The following CSF2RA variants were observed in gnomAD, a reference collection of about 807,000 sequenced individuals.
CSF2RA encodes the protein colony stimulating factor 2 receptor subunit alpha.
In CSF2RA, 42 loss-of-function variants were observed where a neutral mutation model predicts 51.6. The ratio of observed to expected loss-of-function variants is 0.81; its 90% CI spans 0.64 to 1.05. The LOEUF (loss-of-function observed/expected upper bound fraction) is 1.05. CSF2RA is among the 50% of genes least tolerant of loss of function. The pLI, the probability that CSF2RA is intolerant of heterozygous loss-of-function variation, is 0.00. For synonymous variants in CSF2RA, 222 were observed against 193.0 expected (o/e 1.15, Z -1.24); for missense variants, 530 against 501.1 (o/e 1.06, Z -0.55).
At chrX:1,317,955 C>T in the CSF2RA span, among the ~76,000 whole-genome samples, 2 of 151,306 alleles carry the variant, frequency 1.3e-5, no homozygotes, top group African/African-American at 4.9e-5. Context: ...GACAGGCATG[C>T]ACAACCATGA....
intron 7 of CSF2RA, among the ~76,000 whole-genome samples, chrX:1,291,743 G>T (rs764957696): frequency 6.6e-6 from 1 of 151,774 alleles, no homozygotes; most frequent in South Asian, 2.1e-4. Flanking sequence ...GTAGACAGGA[G>T]GAGACCCTGT....
At position 1,290,628 on chromosome X, in the gene CSF2RA, G is replaced by C. The variant is rs757233251; in HGVS notation, c.646+119G>C. 15 of 972,066 alleles carry C rather than the reference G, an allele frequency of 1.5e-5. No individual in the cohort carries two copies. In the African/African-American group the frequency reaches 2.4e-4, roughly 15 times the overall value. The allele number at this position is 972,066 out of a possible 1,614,324, so 60.2% of individuals were successfully genotyped here. A position where few individuals can be genotyped will look rare whatever the true frequency, so the allele number is the denominator to read the frequency against. On this transcript the variant is annotated intron_variant, in intron 7 of 12. Transcript: ENST00000381529. ...ACCTGTAATCTCAGCACTTTGGGAG[G>C]CCGAGGCGGGCCGATCACCTGAGAT...
At chrX:1,316,881 G>C in the CSF2RA span, among the ~76,000 whole-genome samples, 1 of 152,146 alleles carries the variant, frequency 6.6e-6, no homozygotes, top group African/African-American at 2.4e-5. Context: ...CCCCCCTAAC[G>C]GTTTGCTGAA....
At chrX:1,320,661 C>T in the CSF2RA span, among the ~76,000 whole-genome samples, 8 of 128,576 alleles carry the variant, frequency 6.2e-5, no homozygotes, top group African/African-American at 1.9e-4. Context: ...TCATGCCCAG[C>T]TAATTTTTTT....
chrX:1,292,858 G>T (rs1274924560), intron 7 of CSF2RA, among the ~76,000 whole-genome samples: 3 of 152,102 alleles, frequency 2.0e-5, no homozygotes, highest in African/African-American at 7.2e-5. Context: ...ATGTCGGGCT[G>T]GGGGACGGTC....
chrX:1,313,405 A>G (rs1374792548), downstream of CSF2RA, among the ~76,000 whole-genome samples: 10 of 151,494 alleles, frequency 6.6e-5, no homozygotes, highest in Middle Eastern at 3.4e-3. Context: ...CTGCACTCCA[A>G]TCTGGGTGAC....
At chrX:1,284,469 C>T (rs1206252236) in intron 3 of CSF2RA, among the ~76,000 whole-genome samples, 1 of 139,370 alleles carries the variant, frequency 7.2e-6, no homozygotes, top group Non-Finnish European at 1.5e-5. Flanking sequence ...TACTCTGTCA[C>T]CCAGGCTGGA....
chrX:1,282,889 A>G lies in CSF2RA; in HGVS notation c.76+110A>G, dbSNP rs1282230379. The G allele has an allele frequency of 6.2e-6, 6 of 970,166 alleles. No individual in the cohort carries two copies. The African/African-American group carries it at 9.7e-5, about 16-fold the overall frequency. 60.1% of individuals were successfully genotyped at this position (970,166 alleles called of 1,614,324 possible). On this transcript the variant is annotated intron_variant, in intron 3 of 12. Transcript: ENST00000381529. ...CATCTGCATTTCATCTCTAATGTTTATGAGGGACCCAATAAGCACCAGCCA... is the reference window on the plus strand; with the variant it reads ...CATCTGCATTTCATCTCTAATGTTTGTGAGGGACCCAATAAGCACCAGCCA...
At chrX:1,291,448 A>C in intron 7 of CSF2RA, among the ~76,000 whole-genome samples, 1 of 134,582 alleles carries the variant, frequency 7.4e-6, no homozygotes, top group Non-Finnish European at 1.6e-5. Context: ...CTTTTTCTTC[A>C]TTTCTTCCTC....
chrX:1,295,832 C>T (rs28391507), intron 9 of CSF2RA, among the ~76,000 whole-genome samples: 82,612 of 121,134 alleles, frequency 0.68, 27,419 homozygotes, highest in Middle Eastern at 0.73. Context: ...GTCCACCTAG[C>T]TTAATCCTAC....
downstream of CSF2RA, among the ~76,000 whole-genome samples, chrX:1,313,517 C>G (rs2148751629): frequency 6.7e-6 from 1 of 150,084 alleles, no homozygotes; most frequent in East Asian, 2.0e-4. Flanking sequence ...CAAAACCAGC[C>G]TGGCCAACAT....
At chrX:1,295,958 G>A (rs1427940760) in intron 9 of CSF2RA, among the ~76,000 whole-genome samples, 1 of 150,594 alleles carries the variant, frequency 6.6e-6, no homozygotes, top group Non-Finnish European at 1.5e-5. Context: ...CACATCTAGT[G>A]TAACTCTACA....
rs767644484 is a variant in CSF2RA, at chrX:1,300,581, G to A, written c.901G>A (p.Val301Ile). 54 of 1,613,782 alleles carry A rather than the reference G, an allele frequency of 3.3e-5. No homozygotes were observed. The highest frequency in any genetic ancestry group is 6.7e-5 in the Admixed American group (4 of 59,960). ...KHSVKIRAAD[V>I]RILNWSSWSE... ...CAGTGTGAAGATCAGAGCTGCAGAC[G>A]TCCGCATCTTGAATTGGAGCTCCTG... The change falls in exon 10 of 13, where the codon GTC becomes ATC. Residue 301 changes from valine (V) to isoleucine (I), a missense_variant. Coordinates refer to ENST00000381529, the MANE Select transcript of CSF2RA (RefSeq NM_172245.4).
intron 9 of CSF2RA, 140 bp from the exon 10 acceptor site, chrX:1,300,351 C>T: frequency 9.9e-7 from 1 of 1,014,736 alleles, no homozygotes; most frequent in Non-Finnish European, 1.5e-6. Flanking sequence ...AGACCAAGTG[C>T]ATTCAGAGTG....
At chrX:1,314,584 CCCACT>C (rs2084420542), downstream of CSF2RA, among the ~76,000 whole-genome samples, 3 of 41,630 alleles carry the variant, frequency 7.2e-5, no homozygotes, top group East Asian at 9.6e-4. Context: ...CCTGCCCAAC[CCCACT>C]GCACCTGCCC....
chrX:1,292,704 G>A (rs1405602552), intron 7 of CSF2RA, among the ~76,000 whole-genome samples: 1 of 152,128 alleles, frequency 6.6e-6, no homozygotes, highest in Non-Finnish European at 1.5e-5. Context: ...GCCACAGGGC[G>A]GTTTTCTCCT....
the CSF2RA span, among the ~76,000 whole-genome samples, chrX:1,325,191 C>G: frequency 6.7e-6 from 1 of 149,124 alleles, no homozygotes; most frequent in South Asian, 2.2e-4. Flanking sequence ...AAACCCCCGT[C>G]TCTACTAAAA....
intron 7 of CSF2RA, among the ~76,000 whole-genome samples, chrX:1,290,952 C>T (rs748550620): frequency 2.0e-5 from 3 of 152,142 alleles, no homozygotes; most frequent in African/African-American, 7.2e-5. Context: ...GATAGAGTCT[C>T]GCTCTGTCAC....
chrX:1,315,735 C>CATAG, the CSF2RA span, among the ~76,000 whole-genome samples: 5 of 150,854 alleles, frequency 3.3e-5, no homozygotes, highest in African/African-American at 9.8e-5. Context: ...AGATGATAGA[C>CATAG]ATAGATAGAT....
Sources: allele counts gnomAD v4.1 joint callset (sites outside exome capture counted in the v4.1 genomes callset), GRCh38; gene constraint gnomAD v4.1.1; transcripts MANE v1.5; gene names NCBI Gene and HGNC (gene_info 2026-07-23, HGNC 2026-07-21).